The following CCDC183 variants were observed in gnomAD, a reference collection of about 807,000 sequenced individuals.
CCDC183 encodes the protein coiled-coil domain-containing protein 183.
In CCDC183, 63 loss-of-function variants were observed where a neutral mutation model predicts 65.2. That is an observed-to-expected ratio of 0.97 (90% CI 0.79 to 1.19). The LOEUF is 1.19. CCDC183 is among the 50% of genes most tolerant of loss of function. The probability of loss-of-function intolerance (pLI) is 0.00; values close to 1 mark genes in which losing one functional copy is unlikely to be tolerated. For missense variants in CCDC183, 769 were observed against 689.3 expected, an observed-to-expected ratio of 1.12 and a Z score of -1.30; for synonymous variants, 323 against 276.5, an observed-to-expected ratio of 1.17 and a Z score of -1.67.
Position 136,807,587 on chromosome 9 carries a change from C to T in CCDC183, c.1502C>T (p.Pro501Leu), listed in dbSNP as rs1429076956. 1.9e-6 allele frequency: 3 copies of T among 1,604,814 alleles called. No individual in the cohort carries two copies. The highest frequency in any genetic ancestry group is 2.6e-6 in the Non-Finnish European group (3 of 1,176,306). The stretch of plus-strand genomic sequence containing the variant: ...CCGCCCGCAGACACCTTCCAGTTCC[C>T]CGACATGGACCACAGCTACGTCCCT... ...EEDMIDTFQFPDMDHSYVPSR... is the reference protein window; with the variant it reads ...EEDMIDTFQFLDMDHSYVPSR... The change falls in exon 14 of 14, where the codon CCC becomes CTC. Residue 501 changes from proline to leucine, a missense_variant. By Grantham distance (98) the Pro-to-Leu change is moderately conservative. Coordinates refer to ENST00000338005, the MANE Select transcript of CCDC183 (RefSeq NM_001039374.5).
Position 136,804,989 on chromosome 9 carries a change from T to C in CCDC183, c.847+173T>C. Reference sequence around the variant, plus strand: ...CAGAGGCTGAGAGCCTGTAGCCAAATGTGGCCTCAGAGATGCTGGCCCCAG... The same window carrying C: ...CAGAGGCTGAGAGCCTGTAGCCAAACGTGGCCTCAGAGATGCTGGCCCCAG... On this transcript the variant is annotated intron_variant, in intron 8 of 13. Transcript: ENST00000338005. This position sits in a 1 kb window ranked among gnomAD's most constrained non-coding sequence, Gnocchi z 4.1. 1 of 631,376 alleles carries C rather than the reference T, an allele frequency of 1.6e-6. No individual in the cohort carries two copies. Among genetic ancestry groups the C allele is most frequent in the South Asian group, 1.9e-5 (1 of 51,542 alleles). The allele number at this position is 631,376 out of a possible 1,614,324, so 39.1% of individuals were successfully genotyped here.
At position 136,807,688 on chromosome 9, in the gene CCDC183, T is replaced by C. The variant is rs1473581670; in HGVS notation, c.1603T>C (p.Ter535GlnextTer?). ...KLKAAKKKKK[*>Q] ...CAAGGCGGCCAAGAAAAAGAAGAAG[T>C]AGCCCCGCCGCCCCGCTCCCTGCTT... Residue 535 changes from the stop codon to glutamine (Q), a stop_lost, in exon 14 of 14, where the codon TAG (stop) becomes CAG (glutamine). Transcript: ENST00000338005. 4.4e-6 allele frequency: 7 copies of C among 1,594,896 alleles called. 1 individual carries two copies. The African/African-American group carries it at 5.4e-5, about 12-fold the overall frequency.
rs1847816952 is a variant in CCDC183 at position 136,804,976 on chromosome 9, G to GCCTGTAGCCA, written c.847+161_847+170dup. On this transcript the variant is annotated intron_variant, in intron 8 of 13. Transcript: ENST00000338005. This position sits in a 1 kb window ranked among gnomAD's most constrained non-coding sequence, Gnocchi z 4.1. ...CTGCCTCTCCCTCCAGAGGCTGAGA[G>GCCTGTAGCCA]CCTGTAGCCAAATGTGGCCTCAGAG... 1.5e-6 allele frequency: 1 copy of GCCTGTAGCCA among 653,706 alleles called. No homozygotes were observed. Among genetic ancestry groups the GCCTGTAGCCA allele is most frequent in the African/African-American group, 1.8e-5 (1 of 54,836 alleles). The allele number at this position is 653,706 out of a possible 1,614,324, so 40.5% of individuals were successfully genotyped here.
intron 5 of CCDC183, chr9:136,800,817 C>T (rs1847727462): frequency 3.7e-6 from 1 of 266,958 alleles, no homozygotes. Context: ...CTCAGAAAGT[C>T]CTTGCACCTT....
At chr9:136,800,206 A>T in intron 4 of CCDC183, 37 bp downstream of exon 4, 1 of 1,038,224 alleles carries the variant, frequency 9.6e-7, no homozygotes, top group Non-Finnish European at 1.3e-6. Context: ...GGCGGAGTCC[A>T]CTGGGGCAAG....
Position 136,804,488 on chromosome 9 carries a change from C to T in CCDC183, c.667-14C>T, listed in dbSNP as rs780880395. ...GACAGCTCCCCAACCCTGTGCCCACCCGCATGTCCCCAGAGGAACATGAGG... is the reference window on the plus strand; with the variant it reads ...GACAGCTCCCCAACCCTGTGCCCACTCGCATGTCCCCAGAGGAACATGAGG... On this transcript the variant is annotated splice_polypyrimidine_tract_variant and intron_variant, in intron 6 of 13. Coordinates refer to ENST00000338005, the MANE Select transcript of CCDC183 (RefSeq NM_001039374.5). This position sits in a 1 kb window ranked among gnomAD's most constrained non-coding sequence, Gnocchi z 4.1. The T allele has an allele frequency of 6.2e-7, 1 of 1,610,510 alleles. No homozygotes were observed. Among genetic ancestry groups the T allele is most frequent in the Non-Finnish European group, 8.5e-7 (1 of 1,179,116 alleles).
rs573561181 is a variant in CCDC183 at position 136,807,443 on chromosome 9, G to C, written c.1487-129G>C. ...CGAATGGGCTGGGCTGAGTCCTCCC[G>C]GCACGCTGGGGCTGTCCCTGGGGCA... On this transcript the variant is annotated intron_variant, in intron 13 of 13. Coordinates refer to ENST00000338005, the MANE Select transcript of CCDC183 (RefSeq NM_001039374.5). The C allele has an allele frequency of 2.8e-5, 34 of 1,216,942 alleles. 2 individuals carry two copies. The South Asian group carries it at 5.3e-4, about 19-fold the overall frequency. 75.4% of individuals were successfully genotyped at this position (1,216,942 alleles called of 1,614,324 possible).
At position 136,807,014 on chromosome 9, in the gene CCDC183, G is replaced by A. The variant is rs766663413; in HGVS notation, c.1434G>A (p.Met478Ile). Reference sequence around the variant, plus strand: ...ACACCCTGGAGTCCTCGACTCTGATGGAGAAGTACAACACCAGGATCAGCT... The same window carrying A: ...ACACCCTGGAGTCCTCGACTCTGATAGAGAAGTACAACACCAGGATCAGCT... Reference protein sequence around the residue: ...VRDTLESSTLMEKYNTRISFE... With the variant: ...VRDTLESSTLIEKYNTRISFE... The change falls in exon 13 of 14, where the codon ATG (methionine) becomes ATA (isoleucine). Residue 478 changes from methionine to isoleucine, a missense_variant. Transcript: ENST00000338005. The A allele has an allele frequency of 8.1e-6, 13 of 1,613,518 alleles. No homozygotes were observed. The African/African-American group carries it at 1.2e-4, about 15-fold the overall frequency.
chr9:136,802,743 A>G lies in CCDC183; in HGVS notation c.623A>G (p.Lys208Arg). ...VNYCSELSDM[K>R]IMSQDAMMIT... is the part of the protein sequence containing the mutation. ...TACTGCTCAGAGCTGTCGGATATGAAGATCATGTCCCAAGATGCCATGATG... is the reference window on the plus strand; with the variant it reads ...TACTGCTCAGAGCTGTCGGATATGAGGATCATGTCCCAAGATGCCATGATG... The change falls in exon 6 of 14, where the codon AAG (lysine) becomes AGG (arginine). Residue 208 changes from lysine to arginine, a missense_variant. Coordinates refer to ENST00000338005, the MANE Select transcript of CCDC183 (RefSeq NM_001039374.5). The G allele has an allele frequency of 6.2e-7, 1 of 1,613,440 alleles. No homozygotes were observed.
rs1383517728 is a variant in CCDC183, at chr9:136,807,572, A to C, written c.1487A>C (p.Asp496Ala). Residue 496 changes from aspartate (D) to alanine (A), a missense_variant and splice_region_variant, in exon 14 of 14, where the codon GAC (aspartate) becomes GCC (alanine). Transcript: ENST00000338005. ...TGCGAGCCGCCGCCTCCGCCCGCAG[A>C]CACCTTCCAGTTCCCCGACATGGAC... is the stretch of plus-strand genomic sequence containing the variant. ...SFENREEDMI[D>A]TFQFPDMDHS... 2.3e-5 allele frequency: 37 copies of C among 1,601,434 alleles called. No individual in the cohort carries two copies. The highest frequency in any genetic ancestry group is 3.1e-5 in the Non-Finnish European group (36 of 1,174,886).
In CCDC183 at chr9:136,806,157, G is replaced by A. The variant is rs765834795; in HGVS notation, c.1028G>A (p.Arg343Gln). 27 of 1,551,592 alleles carry A rather than the reference G, an allele frequency of 1.7e-5. No individual in the cohort carries two copies. The South Asian group carries it at 2.1e-4, about 12-fold the overall frequency. ...CAGATGGAGGACTGTGAGGAGTGGC[G>A]GGTGCAGCTGAAGGCCCTGGTGAAG... Reference protein sequence around the residue: ...ELQMEDCEEWRVQLKALVKQL... With the variant: ...ELQMEDCEEWQVQLKALVKQL... Residue 343 changes from arginine (R) to glutamine (Q), a missense_variant, in exon 10 of 14, where the codon CGG becomes CAG. Arg to Gln is a conservative substitution (Grantham distance 43, BLOSUM62 1). Coordinates refer to ENST00000338005, the MANE Select transcript of CCDC183 (RefSeq NM_001039374.5).
In CCDC183 at chr9:136,804,748, C is replaced by T; in HGVS notation, c.793-14C>T. ...AGGATGTCTCATCCCTTCCCCGCCC[C>T]CACCTCCCATCAGGGCCAGATGGAC... On this transcript the variant is annotated splice_polypyrimidine_tract_variant and intron_variant, in intron 7 of 13. Transcript: ENST00000338005. The surrounding 1 kb of genome is among the most constrained non-coding windows in gnomAD (Gnocchi z 4.1). 1 of 1,613,704 alleles carries T rather than the reference C, an allele frequency of 6.2e-7. No individual in the cohort carries two copies. The highest frequency in any genetic ancestry group is 1.7e-5 in the Admixed American group (1 of 60,010).
chr9:136,803,732 C>T (rs1847790768), intron 6 of CCDC183, among the ~76,000 whole-genome samples: 1 of 152,076 alleles, frequency 6.6e-6, no homozygotes, highest in Non-Finnish European at 1.5e-5. Flanking sequence ...GTGGCCAGGG[C>T]TAGGGAGGAG....
Position 136,805,341 on chromosome 9 carries a change from C to T in CCDC183, c.848-16C>T. On this transcript the variant is annotated splice_polypyrimidine_tract_variant and intron_variant, in intron 8 of 13. Transcript: ENST00000338005. ...CATCCCTGCATGCTGACTGCCCCTCCCCTCTGCTCTGCCAGTGAGGAGAAA... is the reference window on the plus strand; with the variant it reads ...CATCCCTGCATGCTGACTGCCCCTCTCCTCTGCTCTGCCAGTGAGGAGAAA... 1.2e-6 allele frequency: 2 copies of T among 1,605,364 alleles called. No individual in the cohort carries two copies. The highest frequency in any genetic ancestry group is 1.7e-6 in the Non-Finnish European group (2 of 1,174,676).
intron 9 of CCDC183, 56 bp from the exon 10 acceptor site, chr9:136,806,022 C>T (rs1847839575): frequency 6.9e-7 from 1 of 1,445,974 alleles, no homozygotes; most frequent in East Asian, 2.5e-5. Flanking sequence ...TCTGTGAAGC[C>T]CCCTCTGCCC....
Position 136,802,689 on chromosome 9 carries a change from T to C in CCDC183, c.569T>C (p.Leu190Pro), listed in dbSNP as rs748000037. 1.7e-4 allele frequency: 272 copies of C among 1,613,134 alleles called. No homozygotes were observed. Among genetic ancestry groups the C allele is most frequent in the Non-Finnish European group, 2.3e-4 (269 of 1,179,754 alleles). The change falls in exon 6 of 14, where the codon CTG becomes CCG. Residue 190 changes from leucine (L) to proline (P), a missense_variant. Leu to Pro is a moderately conservative substitution (Grantham distance 98). Coordinates refer to ENST00000338005, the MANE Select transcript of CCDC183 (RefSeq NM_001039374.5). ...GTGCTGGCAGGATACCCCATTGAGC[T>C]GGACAAGCTGCAGAACCTCGTGGTC... is the stretch of plus-strand genomic sequence containing the variant. ...KTVLAGYPIE[L>P]DKLQNLVVNY...
At chr9:136,798,003 T>TTTTA (rs896914030) in intron 1 of CCDC183, among the ~76,000 whole-genome samples, 5 of 151,736 alleles carry the variant, frequency 3.3e-5, no homozygotes, top group African/African-American at 1.2e-4. Flanking sequence ...GTATTTGTAT[T>TTTTA]TTTATTTATT....
intron 1 of CCDC183, among the ~76,000 whole-genome samples, chr9:136,796,811 C>G (rs1283765191): frequency 6.6e-6 from 1 of 152,168 alleles, no homozygotes; most frequent in Non-Finnish European, 1.5e-5. Flanking sequence ...ACCAGGGACA[C>G]AGTGCACTGC....
At position 136,805,511 on chromosome 9, in the gene CCDC183, G is replaced by A. The variant is rs546753937; in HGVS notation, c.948+54G>A. 1.1e-3 allele frequency: 1,741 copies of A among 1,533,112 alleles called. 11 individuals are homozygous for A. Among genetic ancestry groups the A allele is most frequent in the Non-Finnish European group, 8.8e-4 (979 of 1,113,372 alleles). 95.0% of individuals were successfully genotyped at this position (1,533,112 alleles called of 1,614,324 possible). A position where few individuals can be genotyped will look rare whatever the true frequency, so the allele number is the denominator to read the frequency against. The stretch of plus-strand genomic sequence containing the variant: ...GCAGGAGGGTGGCTGAGCCTCTCAC[G>A]TCTGGGTAATGCTCCCTGGCACTCC... On this transcript the variant is annotated intron_variant, in intron 9 of 13. Transcript: ENST00000338005.
Sources: gnomAD v4.1 joint callset for allele counts (sites outside exome capture counted in the v4.1 genomes callset) on GRCh38, gnomAD v4.1.1 for gene constraint, Gnocchi (gnomAD v3.1) non-coding constraint, MANE v1.5 for transcripts, NCBI Gene and HGNC (gene_info 2026-07-23, HGNC 2026-07-21) for gene names.